NWD2: variants seen among roughly 807,000 people sequenced by gnomAD.
NWD2 encodes the protein NACHT and WD repeat domain-containing protein 2.
Under a neutral mutation model 132.7 loss-of-function variants are expected in NWD2, and 37 were observed. That is an observed-to-expected ratio of 0.28 (90% CI 0.21 to 0.37). The LOEUF is 0.37. NWD2 is among the 10% of genes least tolerant of loss of function. The probability of loss-of-function intolerance (pLI) is 1.00; values close to 1 mark genes in which losing one functional copy is unlikely to be tolerated. For missense variants in NWD2, 1,592 were observed against 2,122.4 expected, an observed-to-expected ratio of 0.75 and a Z score of 4.91; for synonymous variants, 705 against 803.0, an observed-to-expected ratio of 0.88 and a Z score of 2.06.
intron 1 of NWD2, among the ~76,000 whole-genome samples, chr4:37,248,089 G>A (rs1335694770): frequency 6.6e-6 from 1 of 152,132 alleles, no homozygotes; most frequent in Non-Finnish European, 1.5e-5. Flanking sequence ...AATTCATATA[G>A]CAGAGTGAAA....
intron 3 of NWD2, among the ~76,000 whole-genome samples, chr4:37,388,938 GT>G (rs1166939935): frequency 6.6e-6 from 1 of 151,294 alleles, no homozygotes; most frequent in Non-Finnish European, 1.5e-5. Context: ...CTATGATGGT[GT>G]CTACGCCTAG....
At position 37,344,035 on chromosome 4, in the gene NWD2, T is replaced by G. The variant is rs73130342; in HGVS notation, c.241-12331T>G. On this transcript the variant is annotated intron_variant, in intron 2 of 6. Coordinates refer to ENST00000309447, the MANE Select transcript of NWD2 (RefSeq NM_001144990.2). ...AATATCAAATTACTTTCCTAAGGTT[T>G]TATGCTTAAATGATGAAATAAGTAA... 3.2e-3 allele frequency among the ~76,000 whole-genome samples: 482 copies of G among 152,310 alleles called. 3 individuals carry two copies. The highest frequency in any genetic ancestry group is 0.011 in the African/African-American group (468 of 41,580).
Position 37,443,509 on chromosome 4 carries a change from A to G in NWD2, c.1521A>G (p.Arg507=). 6.4e-7 allele frequency: 1 copy of G among 1,551,878 alleles called. No homozygotes were observed. The highest frequency in any genetic ancestry group is 8.7e-7 in the Non-Finnish European group (1 of 1,147,018). ...TTTTGAATGAGTCTTCACTGCAGAG[A>G]CCTCTAGTCATAATATTCGATGCAC... ...INLLNESSLQ[R]PLVIIFDALE... The change falls in exon 7 of 7, where the codon AGA becomes AGG. Residue 507 remains arginine (R), a synonymous_variant. Transcript: ENST00000309447. This position sits in a 1 kb window ranked among gnomAD's most constrained non-coding sequence, Gnocchi z 4.1.
At chr4:37,393,157 A>G (rs528474542) in intron 3 of NWD2, among the ~76,000 whole-genome samples, 4 of 150,278 alleles carry the variant, frequency 2.7e-5, no homozygotes, top group Non-Finnish European at 5.9e-5. Flanking sequence ...CTTAGAAAAC[A>G]AAGGGTTCAC....
chr4:37,319,667 G>A (rs10025049), intron 1 of NWD2, among the ~76,000 whole-genome samples: 1 of 152,054 alleles, frequency 6.6e-6, no homozygotes, highest in Non-Finnish European at 1.5e-5. Context: ...AAAGATAGGG[G>A]TACAGTTTCA....
Position 37,443,027 on chromosome 4 carries a change from G to A in NWD2, c.1297-258G>A, listed in dbSNP as rs528041069. 2.0e-5 allele frequency among the ~76,000 whole-genome samples: 3 copies of A among 151,832 alleles called. No homozygotes were observed. The highest frequency in any genetic ancestry group is 4.2e-4 in the South Asian group (2 of 4,788). On this transcript the variant is annotated intron_variant, in intron 6 of 6. Transcript: ENST00000309447. The surrounding 1 kb of genome is among the most constrained non-coding windows in gnomAD (Gnocchi z 4.1). ...TCTGGAATACAAGCTAAATATTGCC[G>A]AATGAGTGAAAAATACTATTATTGC...
intron 1 of NWD2, among the ~76,000 whole-genome samples, chr4:37,253,358 A>G (rs936816777): frequency 6.6e-6 from 1 of 152,178 alleles, no homozygotes. Flanking sequence ...CTAGCCACTC[A>G]CTGGAGGTGG....
intron 1 of NWD2, among the ~76,000 whole-genome samples, chr4:37,306,905 T>C (rs866065804): frequency 6.6e-6 from 1 of 152,002 alleles, no homozygotes; most frequent in South Asian, 2.1e-4. Flanking sequence ...ACGCCTGTAT[T>C]CACAGCTACT....
chr4:37,345,253 GGTCAT>G (rs571648073), intron 2 of NWD2, among the ~76,000 whole-genome samples: 6 of 152,112 alleles, frequency 3.9e-5, no homozygotes, highest in Non-Finnish European at 8.8e-5. Flanking sequence ...AGAATTATCA[GGTCAT>G]GTGGTAAGTC....
At chr4:37,384,206 T>A (rs138685162) in intron 3 of NWD2, among the ~76,000 whole-genome samples, 2 of 152,368 alleles carry the variant, frequency 1.3e-5, no homozygotes, top group Non-Finnish European at 2.9e-5. Context: ...TTCTAAGATG[T>A]CAGCCTTTCC....
chr4:37,418,656 T>C (rs1560250581), intron 3 of NWD2, among the ~76,000 whole-genome samples: 1 of 151,772 alleles, frequency 6.6e-6, no homozygotes, highest in African/African-American at 2.4e-5. Flanking sequence ...ATATATATAT[T>C]TATAACCCTT....
chr4:37,383,512 T>G (rs1230711861), intron 3 of NWD2, among the ~76,000 whole-genome samples: 2 of 152,200 alleles, frequency 1.3e-5, no homozygotes, highest in Non-Finnish European at 2.9e-5. Flanking sequence ...TCTGTTCACA[T>G]AGAATATGTC....
At chr4:37,365,509 G>T (rs980878232) in intron 3 of NWD2, among the ~76,000 whole-genome samples, 1 of 152,216 alleles carries the variant, frequency 6.6e-6, no homozygotes, top group African/African-American at 2.4e-5. Context: ...TAAAGCCTCA[G>T]ATTTTCCAGG....
At chr4:37,331,486 A>T (rs55749010) in intron 2 of NWD2, among the ~76,000 whole-genome samples, 1 of 77,124 alleles carries the variant, frequency 1.3e-5, no homozygotes, top group Non-Finnish European at 2.7e-5. Flanking sequence ...GAGTATTTCT[A>T]TACAATACCA....
At chr4:37,430,487 T>C (rs759613151) in intron 3 of NWD2, 85 bp from the exon 4 acceptor site, 34 of 934,502 alleles carry the variant, frequency 3.6e-5, no homozygotes, top group Non-Finnish European at 5.4e-5. Context: ...TATTGATTAA[T>C]ATTTATTCAG....
At position 37,344,738 on chromosome 4, in the gene NWD2, A is replaced by T. The variant is rs141617755; in HGVS notation, c.241-11628A>T. Among the ~76,000 whole-genome samples the T allele has an allele frequency of 4.6e-5, 7 of 152,298 alleles. No individual in the cohort carries two copies. The East Asian group carries it at 1.2e-3, about 25-fold the overall frequency. The stretch of plus-strand genomic sequence containing the variant: ...GAGATATAATTCACATGTAAAATTC[A>T]CCCACTTGAAGTGTATGATTCAGTG... On this transcript the variant is annotated intron_variant, in intron 2 of 6. Transcript: ENST00000309447.
At chr4:37,414,727 A>G (rs1159331194) in intron 3 of NWD2, among the ~76,000 whole-genome samples, 1 of 152,222 alleles carries the variant, frequency 6.6e-6, no homozygotes, top group Non-Finnish European at 1.5e-5. Flanking sequence ...GAACCAAAAA[A>G]GTATAAAAGA....
intron 5 of NWD2, among the ~76,000 whole-genome samples, chr4:37,434,880 A>G (rs1712281958): frequency 6.6e-6 from 1 of 151,222 alleles, no homozygotes; most frequent in Non-Finnish European, 1.5e-5. Flanking sequence ...TCTGGGCGAG[A>G]TGGGAAGCCA....
At chr4:37,339,956 T>TG (rs199504743) in intron 2 of NWD2, among the ~76,000 whole-genome samples, 5,125 of 146,588 alleles carry the variant, frequency 0.035, 285 homozygotes, top group African/African-American at 0.12. Context: ...TTCTGGTTGT[T>TG]TTTTTTTTTT....
Sources: gnomAD v4.1 joint callset for allele counts (sites outside exome capture counted in the v4.1 genomes callset) on GRCh38, gnomAD v4.1.1 for gene constraint, Gnocchi (gnomAD v3.1) non-coding constraint, MANE v1.5 for transcripts, NCBI Gene and HGNC (gene_info 2026-07-23, HGNC 2026-07-21) for gene names.